The following ANO1 variants were observed in gnomAD, a reference collection of about 807,000 sequenced individuals.
The protein encoded by ANO1 is anoctamin-1.
A neutral mutation model predicts 124.0 loss-of-function variants in ANO1; 59 were observed. The observed-to-expected ratio is 0.48, with a 90% CI of 0.39 to 0.59. ANO1 has a LOEUF of 0.59. Among genes scored for constraint, ANO1 ranks in the 20% least tolerant of loss-of-function variants. The pLI, the probability that ANO1 is intolerant of heterozygous loss-of-function variation, is 0.00. For missense variants in ANO1, 1,059 were observed against 1,328.0 expected (o/e 0.80, Z 3.15); for synonymous variants, 529 against 532.0 (o/e 0.99, Z 0.08).
At chr11:70,067,665 G>T (rs1167143412) in intron 1 of ANO1, among the ~76,000 whole-genome samples, 1 of 152,076 alleles carries the variant, frequency 6.6e-6, no homozygotes, top group South Asian at 2.1e-4. Flanking sequence ...CCCAGTGCCC[G>T]GCAACCTTGA....
At chr11:70,167,457 A>G in intron 21 of ANO1, 70 bp downstream of exon 21, 1 of 1,537,302 alleles carries the variant, frequency 6.5e-7, no homozygotes, top group Non-Finnish European at 8.8e-7. Flanking sequence ...TGGAGTGGGG[A>G]AGGGCTGCAG....
At chr11:70,051,181 C>T (rs1482357902) in intron 1 of ANO1, among the ~76,000 whole-genome samples, 1 of 152,188 alleles carries the variant, frequency 6.6e-6, no homozygotes, top group Non-Finnish European at 1.5e-5. Context: ...CACCCACCCC[C>T]AGTCATTACC....
At position 70,189,378 on chromosome 11, in the gene ANO1, T is replaced by C. The variant is rs1590959050; in HGVS notation, c.*1374T>C. The C allele has an allele frequency of 3.9e-5, 6 of 152,632 alleles. No individual in the cohort carries two copies. In the East Asian group the frequency reaches 1.2e-3, roughly 29 times the overall value. 9.5% of individuals were successfully genotyped at this position (152,632 alleles called of 1,614,324 possible). On this transcript the variant is annotated 3_prime_UTR_variant, in exon 26 of 26. Coordinates refer to ENST00000355303, the MANE Select transcript of ANO1 (RefSeq NM_018043.7). Reference sequence around the variant, plus strand: ...CTCTTTTCTCTTGTACAGTAAGTAGTTTGAAGTGGGTTTTGTATATAAATA... The same window carrying C: ...CTCTTTTCTCTTGTACAGTAAGTAGCTTGAAGTGGGTTTTGTATATAAATA...
In ANO1 at chr11:70,017,226, G is replaced by A. The variant is rs1451219492; in HGVS notation, c.58+31060G>A. Among the ~76,000 whole-genome samples the A allele has an allele frequency of 3.3e-5, 5 of 152,208 alleles. 1 individual carries two copies. Among genetic ancestry groups the A allele is most frequent in the Admixed American group, 3.3e-4 (5 of 15,280 alleles). On this transcript the variant is annotated intron_variant, in intron 1 of 27. Transcript: ENST00000531349. ...CAGACGCCCTAATAATGCTTTTCTTGTGAACTTACAGTTTTTGTGGTTTCT... is the reference window on the plus strand; with the variant it reads ...CAGACGCCCTAATAATGCTTTTCTTATGAACTTACAGTTTTTGTGGTTTCT...
chr11:70,169,990 G>T (rs372306837), intron 21 of ANO1: 1 of 363,606 alleles, frequency 2.8e-6, no homozygotes, highest in Non-Finnish European at 5.5e-6. Context: ...CTAGCCCCAT[G>T]CTGGATGCAG....
chr11:70,047,092 AAAAAAG>A (rs1565168193), intron 1 of ANO1, among the ~76,000 whole-genome samples: 1 of 146,188 alleles, frequency 6.8e-6, no homozygotes, highest in South Asian at 2.1e-4. Context: ...AAAAAAAAAA[AAAAAAG>A]AAAAAGAAAG....
chr11:70,185,746 A>G, intron 25 of ANO1, 51 bp downstream of exon 25: 1 of 1,571,130 alleles, frequency 6.4e-7, no homozygotes, highest in Non-Finnish European at 8.8e-7. Context: ...GCATTTAGGG[A>G]CCATCCTGTG....
intron 12 of ANO1, 45 bp downstream of exon 12, chr11:70,149,837 T>G (rs2047529220): frequency 6.3e-7 from 1 of 1,594,578 alleles, no homozygotes; most frequent in Non-Finnish European, 8.6e-7. Flanking sequence ...TCCCCCACGT[T>G]CCCCCTACCC....
chr11:70,017,634 C>G (rs1268223451), intron 1 of ANO1, among the ~76,000 whole-genome samples: 1 of 151,996 alleles, frequency 6.6e-6, no homozygotes, highest in Non-Finnish European at 1.5e-5. Context: ...CCCACCTCAG[C>G]CTTCCGAGTA....
chr11:70,057,434 T>TTGTGTG (rs142366013), intron 1 of ANO1, among the ~76,000 whole-genome samples: 32,903 of 149,796 alleles, frequency 0.22, 4,251 homozygotes, highest in South Asian at 0.3. Flanking sequence ...AACTCCAATT[T>TTGTGTG]TGTGTGTGTG....
chr11:70,097,982 A>G (rs2045078325), intron 2 of ANO1, among the ~76,000 whole-genome samples: 1 of 152,228 alleles, frequency 6.6e-6, no homozygotes, highest in African/African-American at 2.4e-5. Context: ...TCGCCTGGTC[A>G]TGAAGGGCTG....
chr11:70,134,941 A>C (rs1203952914), intron 11 of ANO1, among the ~76,000 whole-genome samples: 1 of 152,180 alleles, frequency 6.6e-6, no homozygotes, highest in African/African-American at 2.4e-5. Flanking sequence ...ACACGCTGAG[A>C]AGAACTTAGT....
At chr11:70,094,966 G>A (rs2044781709) in intron 2 of ANO1, among the ~76,000 whole-genome samples, 1 of 152,096 alleles carries the variant, frequency 6.6e-6, no homozygotes, top group Non-Finnish European at 1.5e-5. Flanking sequence ...CAGCACTTTG[G>A]GAGGCTGAGG....
intron 6 of ANO1, among the ~76,000 whole-genome samples, chr11:70,109,737 G>A (rs535754521): frequency 5.8e-4 from 88 of 152,288 alleles, no homozygotes; most frequent in African/African-American, 2.0e-3. Context: ...CAGTAGAAAC[G>A]TGTATGGTTG....
At chr11:70,078,819 G>A (rs1011452806) in intron 1 of ANO1, 105 bp downstream of exon 1, 2 of 605,214 alleles carry the variant, frequency 3.3e-6, no homozygotes, top group African/African-American at 2.0e-5. Context: ...CAGGGCGGGG[G>A]CCGCACCCTC....
intron 1 of ANO1, among the ~76,000 whole-genome samples, chr11:70,048,704 C>G (rs372289770): frequency 1.3e-5 from 2 of 150,412 alleles, no homozygotes; most frequent in South Asian, 2.1e-4. Context: ...CTCCACCCCC[C>G]ACCGCTGACC....
chr11:70,051,773 C>T (rs1857352731), intron 1 of ANO1, among the ~76,000 whole-genome samples: 1 of 152,182 alleles, frequency 6.6e-6, no homozygotes, highest in South Asian at 2.1e-4. Flanking sequence ...GTAAGAGTGG[C>T]TTACATATTT....
chr11:70,059,224 G>A (rs1357620834), intron 1 of ANO1, among the ~76,000 whole-genome samples: 9 of 151,616 alleles, frequency 5.9e-5, no homozygotes, highest in African/African-American at 1.2e-4. Context: ...GGTGGCAGGC[G>A]CCTGTAGTCC....
chr11:70,028,785 G>T (rs1055497364), intron 1 of ANO1, among the ~76,000 whole-genome samples: 3 of 152,038 alleles, frequency 2.0e-5, no homozygotes, highest in African/African-American at 7.2e-5. Flanking sequence ...CTAAGTTTCT[G>T]GTGTTTTGCT....
Sources: gnomAD v4.1 joint callset for allele counts (sites outside exome capture counted in the v4.1 genomes callset) on GRCh38, gnomAD v4.1.1 for gene constraint, MANE v1.5 for transcripts, NCBI Gene and HGNC (gene_info 2026-07-23, HGNC 2026-07-21) for gene names.